The following ARHGAP21 variants were observed in gnomAD, a reference collection of about 807,000 sequenced individuals.
The protein encoded by ARHGAP21 is rho GTPase-activating protein 21.
A neutral mutation model predicts 164.6 loss-of-function variants in ARHGAP21; 38 were observed. The observed-to-expected ratio is 0.23, with a 90% confidence interval of 0.18 to 0.30. The LOEUF (loss-of-function observed/expected upper bound fraction) is 0.30. Ranked by LOEUF, ARHGAP21 falls within the 10% of genes least tolerant of loss-of-function variation. The probability of loss-of-function intolerance (pLI) is 1.00; values close to 1 mark genes in which losing one functional copy is unlikely to be tolerated. For missense variants in ARHGAP21, 1,822 were observed against 2,370.7 expected, an observed-to-expected ratio of 0.77 and a Z score of 4.81; for synonymous variants, 766 against 857.9, an observed-to-expected ratio of 0.89 and a Z score of 1.87.
chr10:24,635,158 C>A, intron 4 of ARHGAP21, 55 bp from the exon 5 acceptor site: 2 of 1,119,914 alleles, frequency 1.8e-6, no homozygotes, highest in East Asian at 2.5e-5. Context: ...TACTAAAATA[C>A]CTAAATATAA....
intron 2 of ARHGAP21, among the ~76,000 whole-genome samples, chr10:24,712,361 T>C (rs755142126): frequency 2.6e-5 from 4 of 152,204 alleles, no homozygotes; most frequent in Admixed American, 6.5e-5. Flanking sequence ...AGATATGATC[T>C]ATACAGTGGT....
chr10:24,593,052 A>G (rs2076407296), intron 21 of ARHGAP21, among the ~76,000 whole-genome samples: 1 of 152,206 alleles, frequency 6.6e-6, no homozygotes, highest in Non-Finnish European at 1.5e-5. Flanking sequence ...TTTGATTAAA[A>G]TAACTTTAAT....
intron 2 of ARHGAP21, among the ~76,000 whole-genome samples, chr10:24,678,251 T>C (rs1228957590): frequency 1.3e-5 from 2 of 152,186 alleles, no homozygotes; most frequent in Non-Finnish European, 2.9e-5. Flanking sequence ...ACTCGTGTTA[T>C]TCATATTTCT....
At chr10:24,637,795 T>G (rs72784284) in intron 4 of ARHGAP21, among the ~76,000 whole-genome samples, 22,836 of 152,062 alleles carry the variant, frequency 0.15, 2,235 homozygotes, top group Middle Eastern at 0.32. Context: ...TGGAATAGAT[T>G]AAAATAGAGT....
chr10:24,641,430 T>C (rs946013093), intron 4 of ARHGAP21, among the ~76,000 whole-genome samples: 2 of 152,046 alleles, frequency 1.3e-5, no homozygotes, highest in South Asian at 4.1e-4. Context: ...TATCTCCAAG[T>C]CTCCAATCTG....
At chr10:24,667,395 GTCATCACT>G (rs972617379) in intron 3 of ARHGAP21, among the ~76,000 whole-genome samples, 5 of 152,114 alleles carry the variant, frequency 3.3e-5, no homozygotes, top group Non-Finnish European at 7.3e-5. Context: ...GAAAGGTCAG[GTCATCACT>G]TACTGTACTA....
intron 2 of ARHGAP21, among the ~76,000 whole-genome samples, chr10:24,695,566 C>CA (rs34010661): frequency 0.29 from 36,577 of 127,852 alleles, 5,082 homozygotes; most frequent in East Asian, 0.35. Flanking sequence ...GAGACTGCGT[C>CA]AAAAAAAAAA....
chr10:24,686,197 G>A (rs941866778), intron 2 of ARHGAP21, among the ~76,000 whole-genome samples: 4 of 152,144 alleles, frequency 2.6e-5, no homozygotes, highest in Non-Finnish European at 5.9e-5. Context: ...TTGGGAAGCC[G>A]AGGCAAGAGG....
chr10:24,676,755 C>T (rs1219462279), intron 2 of ARHGAP21, among the ~76,000 whole-genome samples: 5 of 152,174 alleles, frequency 3.3e-5, no homozygotes. Context: ...CTGGCTCTGC[C>T]ATTTGCTAGT....
chr10:24,718,694 T>G (rs1845637161), intron 2 of ARHGAP21, among the ~76,000 whole-genome samples: 1 of 152,206 alleles, frequency 6.6e-6, no homozygotes, highest in Non-Finnish European at 1.5e-5. Flanking sequence ...TTGTATTGTT[T>G]ACAGTATTTC....
chr10:24,685,146 C>T (rs1405991388), intron 2 of ARHGAP21, among the ~76,000 whole-genome samples: 2 of 152,046 alleles, frequency 1.3e-5, no homozygotes, highest in Admixed American at 6.6e-5. Context: ...TGTAGCAGTA[C>T]TCTAATAATA....
chr10:24,590,094 T>C (rs2076269933), intron 24 of ARHGAP21: 4 of 999,612 alleles, frequency 4.0e-6, no homozygotes, highest in African/African-American at 1.7e-5. Context: ...TGAAGTTTCA[T>C]CTTTCAACAT....
intron 9 of ARHGAP21, among the ~76,000 whole-genome samples, chr10:24,611,446 G>A (rs567694941): frequency 2.0e-4 from 30 of 152,328 alleles, no homozygotes; most frequent in African/African-American, 6.7e-4. Context: ...GCTCATGCCT[G>A]TAATCCTAGC....
intron 4 of ARHGAP21, among the ~76,000 whole-genome samples, chr10:24,635,778 C>CCTGATTCGAACTCCAGA (rs1277086692): frequency 6.6e-6 from 1 of 152,158 alleles, no homozygotes; most frequent in Non-Finnish European, 1.5e-5. Context: ...AACTCCTGAC[C>CCTGATTCGAACTCCAGA]CCGTGATTCA....
At chr10:24,601,061 C>T (rs2076794142) in intron 13 of ARHGAP21, 131 bp from the exon 14 acceptor site, 2 of 1,051,410 alleles carry the variant, frequency 1.9e-6, no homozygotes, top group Admixed American at 2.7e-5. Context: ...ATTTAGCTCA[C>T]TACATTATTT....
intron 7 of ARHGAP21, among the ~76,000 whole-genome samples, chr10:24,628,422 ATT>A (rs11312714): frequency 2.0e-5 from 3 of 150,436 alleles, no homozygotes; most frequent in Non-Finnish European, 3.0e-5. Flanking sequence ...GGCTTTAGTG[ATT>A]TTTTTTTTTA....
chr10:24,717,668 G>A (rs776681844), intron 2 of ARHGAP21, among the ~76,000 whole-genome samples: 19 of 152,098 alleles, frequency 1.2e-4, no homozygotes, highest in African/African-American at 3.4e-4. Context: ...AGACAGAAGC[G>A]CGGACCAAAT....
chr10:24,705,945 C>T (rs1359800561), intron 2 of ARHGAP21, among the ~76,000 whole-genome samples: 1 of 152,160 alleles, frequency 6.6e-6, no homozygotes, highest in African/African-American at 2.4e-5. Context: ...GCTTTTGCTT[C>T]TTAGGGAAGA....
At chr10:24,621,674 C>T (rs181051625) in intron 8 of ARHGAP21, among the ~76,000 whole-genome samples, 19 of 152,248 alleles carry the variant, frequency 1.2e-4, no homozygotes, top group Admixed American at 9.2e-4. Flanking sequence ...TAAAATTCTC[C>T]CCATTCAAGC....
Sources: gnomAD v4.1 joint callset for allele counts (sites outside exome capture counted in the v4.1 genomes callset) on GRCh38, gnomAD v4.1.1 for gene constraint, MANE v1.5 for transcripts, NCBI Gene and HGNC (gene_info 2026-07-23, HGNC 2026-07-21) for gene names.